STAM2: variants seen among roughly 807,000 people sequenced by gnomAD.
STAM2 encodes signal transducing adapter molecule 2.
In STAM2, 51 loss-of-function variants were observed where a neutral mutation model predicts 65.6. The observed-to-expected ratio is 0.78, with a 90% CI of 0.62 to 0.98. The LOEUF is 0.98. STAM2 is among the 50% of genes least tolerant of loss of function. STAM2 has a pLI of 0.00. For synonymous variants in STAM2, 198 were observed against 208.4 expected (o/e 0.95, Z 0.43); for missense variants, 584 against 617.8 (o/e 0.95, Z 0.58).
At chr2:152,171,383 T>G (rs925556787) in intron 1 of STAM2, among the ~76,000 whole-genome samples, 5 of 151,394 alleles carry the variant, frequency 3.3e-5, no homozygotes, top group African/African-American at 1.2e-4. Flanking sequence ...TTAAGTCTAC[T>G]ATTCTTATTC....
At chr2:152,151,646 C>A (rs1381426921) in intron 1 of STAM2, among the ~76,000 whole-genome samples, 1 of 152,166 alleles carries the variant, frequency 6.6e-6, no homozygotes, top group Non-Finnish European at 1.5e-5. Flanking sequence ...GAAATCCATA[C>A]CCATTGGCAG....
At chr2:152,122,155 G>A (rs1301308549) in intron 13 of STAM2, among the ~76,000 whole-genome samples, 1 of 151,706 alleles carries the variant, frequency 6.6e-6, no homozygotes, top group Non-Finnish European at 1.5e-5. Flanking sequence ...GCTGAGCTTG[G>A]AGGCTTATGG....
chr2:152,136,595 G>T (rs1227501007), intron 7 of STAM2, among the ~76,000 whole-genome samples: 1 of 139,114 alleles, frequency 7.2e-6, no homozygotes, highest in Non-Finnish European at 1.5e-5. Flanking sequence ...TCTTTTACAC[G>T]TATCTATAGC....
intron 1 of STAM2, among the ~76,000 whole-genome samples, chr2:152,170,531 G>C (rs980452627): frequency 6.7e-6 from 1 of 148,634 alleles, no homozygotes; most frequent in African/African-American, 2.5e-5. Context: ...AGAAAACATA[G>C]ATAAAAACTT....
rs561959867 is a variant in STAM2, at chr2:152,119,443, A to T, written c.*1131T>A. On this transcript the variant is annotated 3_prime_UTR_variant, in exon 14 of 14. Coordinates refer to ENST00000263904, the MANE Select transcript of STAM2 (RefSeq NM_005843.6). ...GAATTACTTCTGAAAGAAATGGTCA[A>T]TTTTTTCAACAGCTTGGTATGTTGA... 2.0e-5 allele frequency: 3 copies of T among 152,276 alleles called. No homozygotes were observed. In the South Asian group the frequency reaches 6.2e-4, roughly 32 times the overall value. 9.4% of individuals were successfully genotyped at this position (152,276 alleles called of 1,614,324 possible).
At chr2:152,134,175 T>G (rs992808933) in intron 8 of STAM2, among the ~76,000 whole-genome samples, 1 of 152,162 alleles carries the variant, frequency 6.6e-6, no homozygotes, top group Non-Finnish European at 1.5e-5. Flanking sequence ...AATAAAAACC[T>G]ATGTAGCCAA....
In STAM2 at chr2:152,175,708, T is replaced by C. The variant is rs367547764; in HGVS notation, c.-66A>G. ...CACTCAGCAACTGCTACCCGCCGGG[T>C]GACCCGCGGCCGCGGCTCCCTAGAC... On this transcript the variant is annotated 5_prime_UTR_variant, in exon 1 of 14. Transcript: ENST00000263904. The C allele has an allele frequency of 7.1e-6, 11 of 1,553,738 alleles. No individual in the cohort carries two copies. In the African/African-American group the frequency reaches 1.2e-4, roughly 17 times the overall value.
At chr2:152,151,243 A>C (rs552480897) in intron 1 of STAM2, among the ~76,000 whole-genome samples, 22 of 144,854 alleles carry the variant, frequency 1.5e-4, no homozygotes, top group African/African-American at 5.7e-4. Flanking sequence ...GTGCAATGGC[A>C]CGATCTCAGC....
In STAM2 at chr2:152,118,509, C is replaced by G. The variant is rs553512690; in HGVS notation, c.*2065G>C. 9.3e-5 allele frequency: 14 copies of G among 149,860 alleles called. No individual in the cohort carries two copies. The highest frequency in any genetic ancestry group is 2.0e-4 in the Admixed American group (3 of 15,002). The allele number at this position is 149,860 out of a possible 1,614,324, so 9.3% of individuals were successfully genotyped here. On this transcript the variant is annotated 3_prime_UTR_variant, in exon 14 of 14. Transcript: ENST00000263904. ...AACTACATTATTTATAATGGCTGAT[C>G]CCAATTTAGTGGGTGTGCAGTAATT...
Position 152,143,810 on chromosome 2 carries a change from A to C in STAM2, c.704+17T>G. Reference sequence around the variant, plus strand: ...GGCATTACACTTTAAACCTTCCCATAAAGATTTAAAACTTACCTGTCATCC... The same window carrying C: ...GGCATTACACTTTAAACCTTCCCATCAAGATTTAAAACTTACCTGTCATCC... On this transcript the variant is annotated intron_variant, in intron 7 of 13. Coordinates refer to ENST00000263904, the MANE Select transcript of STAM2 (RefSeq NM_005843.6). The C allele has an allele frequency of 1.3e-6, 2 of 1,587,414 alleles. No individual in the cohort carries two copies. Among genetic ancestry groups the C allele is most frequent in the Non-Finnish European group, 1.7e-6 (2 of 1,163,574 alleles).
intron 11 of STAM2, among the ~76,000 whole-genome samples, chr2:152,127,752 A>G (rs992510619): frequency 8.5e-5 from 13 of 152,244 alleles, no homozygotes; most frequent in Admixed American, 7.9e-4. Flanking sequence ...CCCAAATAAA[A>G]GCATCTTCAA....
intron 1 of STAM2, among the ~76,000 whole-genome samples, chr2:152,173,363 CATATATATACATATATATATATATGTAT>C (rs1454280857): frequency 1.4e-5 from 2 of 146,300 alleles, no homozygotes; most frequent in Non-Finnish European, 3.0e-5. Context: ...TATATACACA[CATATATATACATATATATATATATGTAT>C]ACATATATAT....
intron 1 of STAM2, among the ~76,000 whole-genome samples, chr2:152,157,175 A>C (rs1012890925): frequency 6.6e-6 from 1 of 152,202 alleles, no homozygotes; most frequent in Non-Finnish European, 1.5e-5. Context: ...GTTTCTAAGC[A>C]CAGTGATTAA....
Position 152,157,881 on chromosome 2 carries a change from T to A in STAM2, c.41-7652A>T, listed in dbSNP as rs1479846802. Among the ~76,000 whole-genome samples the A allele has an allele frequency of 2.6e-5, 4 of 152,268 alleles. No individual in the cohort carries two copies. The East Asian group carries it at 7.7e-4, about 29-fold the overall frequency. ...AGATCCCCCCAATAATATTACAACC[T>A]GACAGAACAAAACTCAACACCATTT... On this transcript the variant is annotated intron_variant, in intron 1 of 13. Coordinates refer to ENST00000263904, the MANE Select transcript of STAM2 (RefSeq NM_005843.6).
intron 10 of STAM2, 63 bp downstream of exon 10, chr2:152,133,110 A>C: frequency 1.2e-6 from 1 of 824,730 alleles, no homozygotes; most frequent in Non-Finnish European, 1.6e-6. Context: ...AAGAAACTGA[A>C]GACATCATGA....
intron 1 of STAM2, among the ~76,000 whole-genome samples, chr2:152,153,467 A>T (rs946942889): frequency 1.3e-5 from 2 of 152,162 alleles, no homozygotes; most frequent in Admixed American, 6.6e-5. Context: ...GAAACACACC[A>T]ATGCAGTTAA....
chr2:152,170,005 G>A (rs973135364), intron 1 of STAM2, among the ~76,000 whole-genome samples: 2 of 151,882 alleles, frequency 1.3e-5, no homozygotes, highest in Non-Finnish European at 2.9e-5. Context: ...ACTCAGCTAA[G>A]TTTTGTATTT....
chr2:152,149,916 A>G (rs1472171956), intron 2 of STAM2, among the ~76,000 whole-genome samples: 2 of 152,194 alleles, frequency 1.3e-5, no homozygotes, highest in Non-Finnish European at 2.9e-5. Flanking sequence ...GAGAAAAAAA[A>G]ATGTTGTTAA....
intron 1 of STAM2, among the ~76,000 whole-genome samples, chr2:152,174,919 A>G (rs1689984666): frequency 6.6e-6 from 1 of 152,176 alleles, no homozygotes; most frequent in Non-Finnish European, 1.5e-5. Context: ...AGTCACTGAG[A>G]GACCAGCGCT....
Sources: allele counts gnomAD v4.1 joint callset (sites outside exome capture counted in the v4.1 genomes callset), GRCh38; gene constraint gnomAD v4.1.1; transcripts MANE v1.5; gene names NCBI Gene and HGNC (gene_info 2026-07-23, HGNC 2026-07-21).